Variants in ATG13 observed in about 807,000 individuals in gnomAD.
The protein encoded by ATG13 is autophagy related 13.
In ATG13, 23 loss-of-function variants were observed where a neutral mutation model predicts 65.5. The observed-to-expected ratio is 0.35, with a 90% CI of 0.25 to 0.50. ATG13 has a LOEUF of 0.50. ATG13 is among the 20% of genes least tolerant of loss of function. The probability of loss-of-function intolerance (pLI) is 0.98; values close to 1 mark genes in which losing one functional copy is unlikely to be tolerated. For synonymous variants in ATG13, 252 were observed against 245.2 expected, an observed-to-expected ratio of 1.03 and a Z score of -0.26; for missense variants, 566 against 677.0, an observed-to-expected ratio of 0.84 and a Z score of 1.82.
At chr11:46,662,118 A>T (rs535694063) in intron 11 of ATG13, among the ~76,000 whole-genome samples, 1 of 152,202 alleles carries the variant, frequency 6.6e-6, no homozygotes, top group East Asian at 1.9e-4. Flanking sequence ...TGACAAAAAA[A>T]GCAGACAAAG....
chr11:46,669,698 C>T (rs2063257548), intron 18 of ATG13, among the ~76,000 whole-genome samples, 166 bp downstream of exon 18: 1 of 152,204 alleles, frequency 6.6e-6, no homozygotes, highest in Admixed American at 6.5e-5. Context: ...GCCCAGCAGT[C>T]ATTATCTGGA....
chr11:46,669,574 A>C, intron 18 of ATG13, 42 bp downstream of exon 18: 1 of 1,607,086 alleles, frequency 6.2e-7, no homozygotes, highest in Admixed American at 1.7e-5. Context: ...TCCTTATTTG[A>C]TGGTCATTCC....
At chr11:46,665,067 C>T in intron 13 of ATG13, 108 bp downstream of exon 13, 2 of 1,144,202 alleles carry the variant, frequency 1.7e-6, no homozygotes, top group Non-Finnish European at 1.3e-6. Context: ...GTGCTATATT[C>T]TGAAGCAAAA....
At chr11:46,670,117 C>G (rs1203174195) in intron 18 of ATG13, among the ~76,000 whole-genome samples, 1 of 152,152 alleles carries the variant, frequency 6.6e-6, no homozygotes, top group South Asian at 2.1e-4. Context: ...TGATCACCTC[C>G]TAAATAGATA....
chr11:46,645,428 C>A lies in ATG13; in HGVS notation c.150+9C>A. 6.2e-7 allele frequency: 1 copy of A among 1,607,670 alleles called. No individual in the cohort carries two copies. The highest frequency in any genetic ancestry group is 8.5e-7 in the Non-Finnish European group (1 of 1,174,830). Reference sequence around the variant, plus strand: ...CAACGGGTTCAGATTGGGTAAAATTCTATTATTTACTAAGGTGTATACTGT... The same window carrying A: ...CAACGGGTTCAGATTGGGTAAAATTATATTATTTACTAAGGTGTATACTGT... On this transcript the variant is annotated intron_variant, in intron 4 of 18. Coordinates refer to ENST00000683050, the MANE Select transcript of ATG13 (RefSeq NM_001346311.2).
chr11:46,636,291 C>T (rs1177053703), intron 2 of ATG13, among the ~76,000 whole-genome samples: 1 of 152,148 alleles, frequency 6.6e-6, no homozygotes, highest in East Asian at 1.9e-4. Flanking sequence ...GGCGCAGTAG[C>T]TCACACCTGT....
At position 46,671,228 on chromosome 11, in the gene ATG13, C is replaced by A. The variant is rs561822834; in HGVS notation, c.1576-1027C>A. ...CTGAGGCAAGAGACTCTCCACGCTC[C>A]CTTGTGGTCGTGTTTAAACCCCTAC... On this transcript the variant is annotated intron_variant, in intron 18 of 18. Transcript: ENST00000683050. Among the ~76,000 whole-genome samples the A allele has an allele frequency of 3.1e-3, 479 of 152,294 alleles. 7 individuals are homozygous for A. Among genetic ancestry groups the A allele is most frequent in the African/African-American group, 0.011 (466 of 41,552 alleles).
intron 11 of ATG13, among the ~76,000 whole-genome samples, chr11:46,663,386 A>G (rs2061589897): frequency 6.6e-6 from 1 of 151,628 alleles, no homozygotes; most frequent in Non-Finnish European, 1.5e-5. Context: ...CCAGCTTTTT[A>G]CTTCATCAGG....
chr11:46,670,919 C>G (rs1019670079), intron 18 of ATG13, among the ~76,000 whole-genome samples: 11 of 152,154 alleles, frequency 7.2e-5, no homozygotes, highest in Admixed American at 3.9e-4. Flanking sequence ...GTTTTCTCAT[C>G]CCAGTTTACA....
chr11:46,668,599 G>A, intron 16 of ATG13, 23 bp downstream of exon 16: 1 of 1,605,738 alleles, frequency 6.2e-7, no homozygotes, highest in Non-Finnish European at 8.5e-7. Flanking sequence ...TTGACTACGA[G>A]TTCCCAGTAG....
chr11:46,671,819 G>A (rs1359480899), intron 18 of ATG13, among the ~76,000 whole-genome samples: 1 of 152,214 alleles, frequency 6.6e-6, no homozygotes, highest in Admixed American at 6.5e-5. Flanking sequence ...GTAGTATAGT[G>A]GGGCCACCTG....
intron 7 of ATG13, 21 bp downstream of exon 7, chr11:46,650,338 T>A (rs746992110): frequency 2.5e-6 from 4 of 1,604,790 alleles, no homozygotes; most frequent in Middle Eastern, 1.7e-4. Context: ...TAGATGGTCA[T>A]CTTGATTCAC....
chr11:46,637,983 T>G (rs186184669), intron 2 of ATG13, among the ~76,000 whole-genome samples: 7 of 152,318 alleles, frequency 4.6e-5, no homozygotes, highest in Non-Finnish European at 1.0e-4. Flanking sequence ...CAATGGTTTT[T>G]TGTTTTCATT....
intron 2 of ATG13, among the ~76,000 whole-genome samples, chr11:46,633,529 T>C (rs1472757849): frequency 1.3e-5 from 2 of 151,968 alleles, no homozygotes; most frequent in African/African-American, 2.4e-5. Context: ...GTATTTTTAG[T>C]AGAGACGGGG....
intron 6 of ATG13, 70 bp downstream of exon 6, chr11:46,649,253 C>T: frequency 6.5e-7 from 1 of 1,535,560 alleles, no homozygotes; most frequent in Non-Finnish European, 8.9e-7. Context: ...ATGTGAAAAG[C>T]AGGGCTTTGT....
intron 15 of ATG13, among the ~76,000 whole-genome samples, chr11:46,668,289 C>T (rs1353135043): frequency 6.6e-6 from 1 of 152,198 alleles, no homozygotes; most frequent in African/African-American, 2.4e-5. Context: ...CCTCAGGACC[C>T]CAACCCTTGT....
intron 12 of ATG13, 144 bp downstream of exon 12, chr11:46,664,239 G>C (rs1051617737): frequency 1.4e-5 from 9 of 650,464 alleles, no homozygotes; most frequent in Non-Finnish European, 2.2e-5. Context: ...ATTTTAATAG[G>C]ACACAGCCAC....
At chr11:46,641,779 A>G (rs1025201404) in intron 2 of ATG13, among the ~76,000 whole-genome samples, 5 of 138,984 alleles carry the variant, frequency 3.6e-5, no homozygotes, top group African/African-American at 8.2e-5. Context: ...TTTTTTCGTG[A>G]CAGAGTTTTT....
intron 2 of ATG13, chr11:46,630,839 C>CCA (rs1254175570): frequency 6.6e-6 from 1 of 152,032 alleles, no homozygotes; most frequent in Admixed American, 6.6e-5. Flanking sequence ...GTAGCTGGGA[C>CCA]CACAGGTGCA....
Sources: allele counts gnomAD v4.1 joint callset (sites outside exome capture counted in the v4.1 genomes callset), GRCh38; gene constraint gnomAD v4.1.1; transcripts MANE v1.5; gene names NCBI Gene and HGNC (gene_info 2026-07-23, HGNC 2026-07-21).